Variants in SLC25A20 observed in about 807,000 individuals in gnomAD.
SLC25A20 encodes mitochondrial carnitine/acylcarnitine carrier protein.
Under a neutral mutation model 39.7 loss-of-function variants are expected in SLC25A20, and 29 were observed. The observed-to-expected ratio is 0.73, with a 90% CI of 0.54 to 1.00. The LOEUF (loss-of-function observed/expected upper bound fraction) is 1.00. Among genes scored for constraint, SLC25A20 ranks in the 50% least tolerant of loss-of-function variants. The probability of loss-of-function intolerance (pLI) is 0.00; values close to 1 mark genes in which losing one functional copy is unlikely to be tolerated. For missense variants in SLC25A20, 333 were observed against 379.9 expected, an observed-to-expected ratio of 0.88 and a Z score of 1.03; for synonymous variants, 103 against 142.2, an observed-to-expected ratio of 0.72 and a Z score of 1.96.
intron 1 of SLC25A20, among the ~76,000 whole-genome samples, chr3:48,894,386 G>A (rs566282018): frequency 4.1e-5 from 6 of 146,612 alleles, no homozygotes; most frequent in South Asian, 2.2e-4. Flanking sequence ...TCAGCCTCCC[G>A]CGTAGCTGGG....
At chr3:48,882,642 G>A (rs1434813882) in intron 3 of SLC25A20, among the ~76,000 whole-genome samples, 3 of 152,110 alleles carry the variant, frequency 2.0e-5, no homozygotes, top group African/African-American at 7.2e-5. Context: ...AGAATTGCTT[G>A]GCTCCAGGAG....
chr3:48,873,551 G>A (rs772174168), intron 4 of SLC25A20, among the ~76,000 whole-genome samples: 2 of 150,806 alleles, frequency 1.3e-5, no homozygotes, highest in African/African-American at 2.4e-5. Flanking sequence ...AGAGGCTGCA[G>A]TGAGGAGAGA....
chr3:48,869,406 G>A (rs1344027868), intron 4 of SLC25A20, among the ~76,000 whole-genome samples: 1 of 152,154 alleles, frequency 6.6e-6, no homozygotes, highest in South Asian at 2.1e-4. Context: ...CCAGCACTTT[G>A]GGAGGCGAAG....
chr3:48,857,795 A>G lies in SLC25A20; in HGVS notation c.844-23T>C, dbSNP rs1336094760. The G allele has an allele frequency of 3.1e-6, 5 of 1,609,270 alleles. No individual in the cohort carries two copies. The East Asian group carries it at 1.1e-4, about 36-fold the overall frequency. Reference sequence around the variant, plus strand: ...GGCCTAAGAAGGGATTGGGAGGAAGAAAAAAGCCAGCAGGAATAACTATTC... The same window carrying G: ...GGCCTAAGAAGGGATTGGGAGGAAGGAAAAAGCCAGCAGGAATAACTATTC... On this transcript the variant is annotated intron_variant, in intron 8 of 8. Transcript: ENST00000319017.
At chr3:48,884,490 C>A (rs927564477) in intron 2 of SLC25A20, among the ~76,000 whole-genome samples, 4 of 151,872 alleles carry the variant, frequency 2.6e-5, no homozygotes, top group African/African-American at 9.7e-5. Flanking sequence ...GCTGGGACTA[C>A]AGGCGTGCGC....
Position 48,878,263 on chromosome 3 carries a change from A to AC in SLC25A20, c.417+1094_417+1095insG, listed in dbSNP as rs1491282102. On this transcript the variant is annotated intron_variant, in intron 4 of 8. Transcript: ENST00000319017. The stretch of plus-strand genomic sequence containing the variant: ...CGACAGAGCGAGACTCCATCTCCAC[A>AC]AAAAAAAAAAATATATATATATATA... Among the ~76,000 whole-genome samples, 11 of 52,368 alleles carry AC rather than the reference A, an allele frequency of 2.1e-4. No individual in the cohort carries two copies. In the East Asian group the frequency reaches 0.01, roughly 49 times the overall value. 34.4% of individuals were successfully genotyped at this position (52,368 alleles called of 152,430 possible).
intron 1 of SLC25A20, among the ~76,000 whole-genome samples, chr3:48,894,428 C>A (rs1029307142): frequency 2.0e-5 from 3 of 148,176 alleles, no homozygotes; most frequent in Admixed American, 2.0e-4. Context: ...ACCCAGGTAA[C>A]TTTTGCATTT....
At chr3:48,877,930 C>T (rs1425242372) in intron 4 of SLC25A20, among the ~76,000 whole-genome samples, 2 of 152,024 alleles carry the variant, frequency 1.3e-5, no homozygotes, top group Non-Finnish European at 2.9e-5. Context: ...TTATAATGTA[C>T]TAGTTCTTGA....
rs2083813222 is a variant in SLC25A20, at chr3:48,884,042, C to G, written c.281G>C (p.Gly94Ala). 6.2e-7 allele frequency: 1 copy of G among 1,613,860 alleles called. No homozygotes were observed. Among genetic ancestry groups the G allele is most frequent in the African/African-American group, 1.3e-5 (1 of 74,910 alleles). ...PMFAVCFFGF[G>A]LGKKLQQKHP... ...TTTCTGTTGTAGTTTCTTCCCCAAA[C>G]CAAACCCAAAGAAGCACACGGCAAA... is the stretch of plus-strand genomic sequence containing the variant. Residue 94 changes from glycine to alanine, a missense_variant, in exon 3 of 9, where the codon GGT becomes GCT. By Grantham distance (60) the Gly-to-Ala change is moderately conservative (BLOSUM62 0). Coordinates refer to ENST00000319017, the MANE Select transcript of SLC25A20 (RefSeq NM_000387.6).
rs542856379 is a variant in SLC25A20, at chr3:48,865,934, T to A, written c.418-3275A>T. Among the ~76,000 whole-genome samples, 22 of 148,698 alleles carry A rather than the reference T, an allele frequency of 1.5e-4. No homozygotes were observed. In the South Asian group the frequency reaches 4.5e-3, roughly 30 times the overall value. Reference sequence around the variant, plus strand: ...TCACGAGGTCAGGAGATGGAGACCATCCTGGCCAACATGGTGAAACCCCGT... The same window carrying A: ...TCACGAGGTCAGGAGATGGAGACCAACCTGGCCAACATGGTGAAACCCCGT... On this transcript the variant is annotated intron_variant, in intron 4 of 8. Coordinates refer to ENST00000319017, the MANE Select transcript of SLC25A20 (RefSeq NM_000387.6).
At chr3:48,896,653 G>T (rs1333485248) in intron 1 of SLC25A20, among the ~76,000 whole-genome samples, 1 of 151,690 alleles carries the variant, frequency 6.6e-6, no homozygotes, top group Non-Finnish European at 1.5e-5. Flanking sequence ...TGGGATTACA[G>T]GCACCTGCCA....
chr3:48,873,340 G>A (rs1236788851), intron 4 of SLC25A20, among the ~76,000 whole-genome samples: 3 of 152,324 alleles, frequency 2.0e-5, no homozygotes, highest in South Asian at 4.1e-4. Context: ...GCTGGGCGCA[G>A]TGGCTTATGC....
chr3:48,878,758 C>T (rs1325981102), intron 4 of SLC25A20, among the ~76,000 whole-genome samples: 1 of 150,516 alleles, frequency 6.6e-6, no homozygotes, highest in Non-Finnish European at 1.5e-5. Flanking sequence ...CAAGATCGTG[C>T]CACTGCACTC....
intron 5 of SLC25A20, among the ~76,000 whole-genome samples, chr3:48,860,811 GTAT>G (rs927606962): frequency 5.5e-5 from 8 of 146,618 alleles, no homozygotes; most frequent in Admixed American, 4.1e-4. Context: ...AAAGAATATA[GTAT>G]TATTATTATT....
chr3:48,872,297 AT>A (rs1179767358), intron 4 of SLC25A20, among the ~76,000 whole-genome samples: 2 of 151,396 alleles, frequency 1.3e-5, no homozygotes, highest in African/African-American at 4.8e-5. Flanking sequence ...TGCCTGGATA[AT>A]TTTGTATTTT....
At chr3:48,864,475 C>G (rs993133028) in intron 4 of SLC25A20, among the ~76,000 whole-genome samples, 2 of 148,446 alleles carry the variant, frequency 1.3e-5, no homozygotes, top group Admixed American at 6.8e-5. Flanking sequence ...AGTCCTAATT[C>G]TAGTTGGGAA....
At chr3:48,873,080 T>C (rs2083728698) in intron 4 of SLC25A20, among the ~76,000 whole-genome samples, 1 of 151,470 alleles carries the variant, frequency 6.6e-6, no homozygotes, top group South Asian at 2.1e-4. Context: ...AAAAACTAGC[T>C]GGGTGTGGTG....
chr3:48,862,659 T>G lies in SLC25A20; in HGVS notation c.418A>C (p.Ile140Leu), dbSNP rs2083636646. Residue 140 changes from isoleucine to leucine, a missense_variant and splice_region_variant, in exon 5 of 9, where the codon ATT becomes CTT. Physicochemically the swap from Ile to Leu is conservative, Grantham distance 5 (BLOSUM62 2). Transcript: ENST00000319017. Reference sequence around the variant, plus strand: ...TTGCTTTCTCCTGAAGAAGCCTGAATCTGGGAGGGAGGAGAGGATCATTAA... The same window carrying G: ...TTGCTTTCTCCTGAAGAAGCCTGAAGCTGGGAGGGAGGAGAGGATCATTAA... ...PGERIKCLLQ[I>L]QASSGESKYT... 1 of 1,600,028 alleles carries G rather than the reference T, an allele frequency of 6.2e-7. No homozygotes were observed. Among genetic ancestry groups the G allele is most frequent in the Non-Finnish European group, 8.6e-7 (1 of 1,167,388 alleles).
Position 48,898,822 on chromosome 3 carries a change from CAG to C in SLC25A20, c.-30_-29del, listed in dbSNP as rs1442083001. Reference sequence around the variant, plus strand: ...TCAGTCCGTCTGTCACTCCGTCTGTCAGTTCTCGGGCCGTCCTGGCTTCTCAG... The same window carrying C: ...TCAGTCCGTCTGTCACTCCGTCTGTCTTCTCGGGCCGTCCTGGCTTCTCAG... On this transcript the variant is annotated 5_prime_UTR_variant, in exon 1 of 9. Transcript: ENST00000319017. 63 of 1,548,014 alleles carry C rather than the reference CAG, an allele frequency of 4.1e-5. No individual in the cohort carries two copies. The highest frequency in any genetic ancestry group is 1.7e-4 in the Middle Eastern group (1 of 5,938).
Sources: gnomAD v4.1 joint callset for allele counts (sites outside exome capture counted in the v4.1 genomes callset) on GRCh38, gnomAD v4.1.1 for gene constraint, MANE v1.5 for transcripts, NCBI Gene and HGNC (gene_info 2026-07-23, HGNC 2026-07-21) for gene names.